EPHA4: variants seen among roughly 807,000 people sequenced by gnomAD.
EPHA4 encodes the protein ephrin type-A receptor 4.
EPHA4 carries 19 observed loss-of-function variants against 108.3 expected under a neutral mutation model. The observed-to-expected ratio is 0.18, with a 90% CI of 0.12 to 0.26. The LOEUF is 0.26. Among genes scored for constraint, EPHA4 ranks in the 10% least tolerant of loss-of-function variants. EPHA4 has a pLI of 1.00. For missense variants in EPHA4, 917 were observed against 1,254.0 expected (o/e 0.73, Z 4.06); for synonymous variants, 449 against 455.5 (o/e 0.99, Z 0.18).
chr2:221,531,527 A>G (rs1693513062), intron 3 of EPHA4, among the ~76,000 whole-genome samples: 1 of 152,180 alleles, frequency 6.6e-6, no homozygotes, highest in Non-Finnish European at 1.5e-5. Flanking sequence ...TTCAAGATTG[A>G]ACAATAACAG....
chr2:221,499,748 ATATATATATTTTTTTT>A lies in EPHA4; in HGVS notation c.979+1253_979+1268del, dbSNP rs1369598953. Among the ~76,000 whole-genome samples the A allele has an allele frequency of 1.3e-3, 59 of 44,972 alleles. 2 individuals carry two copies. The highest frequency in any genetic ancestry group is 7.0e-3 in the African/African-American group (58 of 8,344). 29.5% of individuals were successfully genotyped at this position (44,972 alleles called of 152,430 possible). The stretch of plus-strand genomic sequence containing the variant: ...TATATATATATATATATATATATAT[ATATATATATTTTTTTT>A]TTTTTTTTTTGAGACAGAGTTTTGC... On this transcript the variant is annotated intron_variant, in intron 4 of 17. Transcript: ENST00000281821.
chr2:221,476,543 G>A (rs1691657873), intron 5 of EPHA4, among the ~76,000 whole-genome samples: 1 of 152,200 alleles, frequency 6.6e-6, no homozygotes, highest in South Asian at 2.1e-4. Context: ...TCTGACATTT[G>A]TAATTTTGTA....
chr2:221,494,903 C>T (rs1692257725), intron 4 of EPHA4, among the ~76,000 whole-genome samples: 1 of 151,664 alleles, frequency 6.6e-6, no homozygotes, highest in Non-Finnish European at 1.5e-5. Flanking sequence ...CATCAAAATC[C>T]CTGTTAAGAA....
rs143678749 is a variant in EPHA4, at chr2:221,433,862, G to T, written c.2496+280C>A. The stretch of plus-strand genomic sequence containing the variant: ...TTTAATTTTGTTTTACTCTGGTTTT[G>T]AAAGTTCACCAAGTAAAAATACTAT... On this transcript the variant is annotated intron_variant, in intron 14 of 17. Coordinates refer to ENST00000281821, the MANE Select transcript of EPHA4 (RefSeq NM_004438.5). 2.6e-3 allele frequency among the ~76,000 whole-genome samples: 399 copies of T among 152,086 alleles called. 4 individuals carry two copies. Among genetic ancestry groups the T allele is most frequent in the African/African-American group, 9.0e-3 (375 of 41,456 alleles).
intron 3 of EPHA4, among the ~76,000 whole-genome samples, chr2:221,527,500 AGG>A (rs1439172707): frequency 6.6e-6 from 1 of 152,158 alleles, no homozygotes; most frequent in Non-Finnish European, 1.5e-5. Context: ...TCCTGTGGTG[AGG>A]CCCACTGAGA....
At chr2:221,544,083 T>C (rs1186945485) in intron 3 of EPHA4, among the ~76,000 whole-genome samples, 1 of 152,116 alleles carries the variant, frequency 6.6e-6, no homozygotes, top group Admixed American at 6.5e-5. Context: ...ATTAATCATA[T>C]TCATGAGGGC....
intron 3 of EPHA4, among the ~76,000 whole-genome samples, chr2:221,521,427 C>T (rs1436163111): frequency 6.6e-6 from 1 of 152,090 alleles, no homozygotes; most frequent in Non-Finnish European, 1.5e-5. Context: ...GACAGGAAGA[C>T]ATGTCAGTTT....
At chr2:221,493,518 G>A (rs1489281051) in intron 4 of EPHA4, among the ~76,000 whole-genome samples, 1 of 152,154 alleles carries the variant, frequency 6.6e-6, no homozygotes, top group Non-Finnish European at 1.5e-5. Flanking sequence ...AAGTAAGGAC[G>A]ATGTTATTTT....
At chr2:221,465,795 G>C (rs1228882835) in intron 5 of EPHA4, among the ~76,000 whole-genome samples, 1 of 152,142 alleles carries the variant, frequency 6.6e-6, no homozygotes, top group Non-Finnish European at 1.5e-5. Flanking sequence ...ATTTCAGCAA[G>C]AAAATAAATT....
At chr2:221,469,433 C>T (rs1335312884) in intron 5 of EPHA4, among the ~76,000 whole-genome samples, 1 of 152,072 alleles carries the variant, frequency 6.6e-6, no homozygotes, top group East Asian at 1.9e-4. Flanking sequence ...CAGAGGAAAC[C>T]AACATTAGCT....
chr2:221,555,706 C>T (rs564945642), intron 3 of EPHA4, among the ~76,000 whole-genome samples: 9 of 152,266 alleles, frequency 5.9e-5, no homozygotes, highest in Admixed American at 1.3e-4. Flanking sequence ...TACAGTCTCT[C>T]GGGGTACAGG....
rs1574574997 is a variant in EPHA4, at chr2:221,452,305, T to C, written c.1715+3242A>G. Among the ~76,000 whole-genome samples the C allele has an allele frequency of 3.3e-5, 5 of 152,152 alleles. No individual in the cohort carries two copies. In the South Asian group the frequency reaches 1.0e-3, roughly 32 times the overall value. ...ATGACTCAGATTTCATAGGCTAGGG[T>C]GTTTAATCTGTTGCTTTCTCATACT... On this transcript the variant is annotated intron_variant, in intron 8 of 17. Coordinates refer to ENST00000281821, the MANE Select transcript of EPHA4 (RefSeq NM_004438.5).
chr2:221,421,310 GAAAAGAAAA>G (rs973801671), intron 17 of EPHA4, among the ~76,000 whole-genome samples: 7 of 150,898 alleles, frequency 4.6e-5, no homozygotes, highest in Non-Finnish European at 5.9e-5. Flanking sequence ...AAAAAAAAAA[GAAAAGAAAA>G]AAAAGAAAAA....
chr2:221,418,561 T>G lies in EPHA4; in HGVS notation c.*2811A>C, dbSNP rs3087584. On this transcript the variant is annotated 3_prime_UTR_variant, in exon 18 of 18. Coordinates refer to ENST00000281821, the MANE Select transcript of EPHA4 (RefSeq NM_004438.5). ...AGATTGAATACAAGAGGTCTCAGAA[T>G]GCACACACCAGCAGTGTAGCGAGCA... is the stretch of plus-strand genomic sequence containing the variant. 2 of 152,486 alleles carry G rather than the reference T, an allele frequency of 1.3e-5. No individual in the cohort carries two copies. The highest frequency in any genetic ancestry group is 2.9e-5 in the Non-Finnish European group (2 of 68,010). The allele number at this position is 152,486 out of a possible 1,614,324, so 9.4% of individuals were successfully genotyped here.
intron 12 of EPHA4, 48 bp downstream of exon 12, chr2:221,437,013 T>G: frequency 7.0e-7 from 1 of 1,421,562 alleles, no homozygotes; most frequent in Non-Finnish European, 9.9e-7. Flanking sequence ...CTGTTAGGAG[T>G]TTTCTAAATA....
intron 4 of EPHA4, among the ~76,000 whole-genome samples, chr2:221,483,190 T>C (rs946708752): frequency 1.3e-5 from 2 of 152,192 alleles, no homozygotes; most frequent in Admixed American, 6.5e-5. Flanking sequence ...CAGTTCAACA[T>C]GGCAGCGGAG....
intron 3 of EPHA4, among the ~76,000 whole-genome samples, chr2:221,555,935 T>C (rs914584661): frequency 1.3e-5 from 2 of 152,218 alleles, no homozygotes; most frequent in African/African-American, 4.8e-5. Context: ...TTTTTAGGGC[T>C]TGATTTCATT....
intron 15 of EPHA4, 80 bp from the exon 16 acceptor site, chr2:221,426,699 T>C: frequency 1.6e-6 from 2 of 1,277,876 alleles, no homozygotes; most frequent in Non-Finnish European, 2.2e-6. Flanking sequence ...TTGCCTCAAA[T>C]AGGCAAGGAG....
chr2:221,462,099 G>C (rs1471633816), intron 5 of EPHA4, among the ~76,000 whole-genome samples: 1 of 151,016 alleles, frequency 6.6e-6, no homozygotes, highest in African/African-American at 2.4e-5. Context: ...TTTAAGGACA[G>C]TTTTGTGCCT....
Sources: gnomAD v4.1 joint callset for allele counts (sites outside exome capture counted in the v4.1 genomes callset) on GRCh38, gnomAD v4.1.1 for gene constraint, MANE v1.5 for transcripts, NCBI Gene and HGNC (gene_info 2026-07-23, HGNC 2026-07-21) for gene names.